MIA2: variants seen among roughly 807,000 people sequenced by gnomAD.
MIA2 encodes melanoma inhibitory activity protein 2.
A neutral mutation model predicts 167.8 loss-of-function variants in MIA2; 127 were observed. The observed-to-expected ratio is 0.76, with a 90% CI of 0.66 to 0.88. MIA2 has a LOEUF of 0.88. Ranked by LOEUF, MIA2 falls within the 40% of genes least tolerant of loss-of-function variation. The pLI is 0.00. For synonymous variants in MIA2, 552 were observed against 541.9 expected (o/e 1.02, Z -0.26); for missense variants, 1,690 against 1,624.7 (o/e 1.04, Z -0.69).
intron 6 of MIA2, among the ~76,000 whole-genome samples, chr14:39,255,936 T>A (rs528799188): frequency 6.6e-6 from 1 of 152,340 alleles, no homozygotes; most frequent in East Asian, 1.9e-4. Flanking sequence ...GGGAAGGAGT[T>A]CCAGTTTGAA....
chr14:39,238,651 C>T (rs1048899343), intron 2 of MIA2, among the ~76,000 whole-genome samples: 5 of 151,236 alleles, frequency 3.3e-5, no homozygotes, highest in African/African-American at 9.7e-5. Context: ...AAAAATTAGC[C>T]GGGTGTAGTA....
chr14:39,245,429 A>T (rs1209112274), intron 3 of MIA2, among the ~76,000 whole-genome samples: 1 of 152,166 alleles, frequency 6.6e-6, no homozygotes, highest in Non-Finnish European at 1.5e-5. Flanking sequence ...TTAAAAGTTT[A>T]TGAATTTTTG....
chr14:39,302,985 T>G (rs1405472637), intron 15 of MIA2, among the ~76,000 whole-genome samples: 4 of 152,074 alleles, frequency 2.6e-5, no homozygotes, highest in Admixed American at 2.6e-4. Flanking sequence ...GATTAAAAAT[T>G]TTTTTCGTGA....
chr14:39,384,035 AT>A (rs1567064519), intron 23 of MIA2, among the ~76,000 whole-genome samples: 1 of 152,198 alleles, frequency 6.6e-6, no homozygotes, highest in Non-Finnish European at 1.5e-5. Context: ...TAAACAGCAG[AT>A]TTTCAGTGTA....
In MIA2 at chr14:39,245,081, C is replaced by CTTTTTTTTTTTTTTT. The variant is rs10683715; in HGVS notation, c.337-1818_337-1817insTTTTTTTTTTTTTTT. 2.1e-4 allele frequency among the ~76,000 whole-genome samples: 25 copies of CTTTTTTTTTTTTTTT among 119,704 alleles called. 2 individuals are homozygous for CTTTTTTTTTTTTTTT. The highest frequency in any genetic ancestry group is 6.9e-4 in the East Asian group (3 of 4,326). The allele number at this position is 119,704 out of a possible 152,430, so 78.5% of individuals were successfully genotyped here. A position where few individuals can be genotyped will look rare whatever the true frequency, so the allele number is the denominator to read the frequency against. On this transcript the variant is annotated intron_variant, in intron 3 of 28. Coordinates refer to ENST00000640607, the MANE Select transcript of MIA2 (RefSeq NM_001329214.4). ...GCATGGGCCGCCGCACCTAGCTAAC[C>CTTTTTTTTTTTTTTT]TTTTTTTTTTTTAAAGACAGGATCT...
chr14:39,263,407 A>C (rs895652047), intron 6 of MIA2, among the ~76,000 whole-genome samples: 20 of 148,998 alleles, frequency 1.3e-4, no homozygotes, highest in African/African-American at 4.9e-4. Flanking sequence ...TTTTTTTCTA[A>C]ATTTTTTGTA....
At chr14:39,239,486 T>C (rs892231363) in intron 2 of MIA2, among the ~76,000 whole-genome samples, 8 of 152,076 alleles carry the variant, frequency 5.3e-5, no homozygotes, top group African/African-American at 1.9e-4. Context: ...GCCTGGAAGT[T>C]AGAGGTTACA....
In MIA2 at chr14:39,247,462, T is replaced by C; in HGVS notation, c.888T>C (p.Ser296=). ...CAAAGACACAGTCTGAACTAGCATC[T>C]GAGTCAGAGCACATTCCCAAACCTC... The part of the protein sequence containing the change: ...SVPKTQSELA[S]ESEHIPKPQS... The change falls in exon 4 of 29, where the codon TCT becomes TCC. Residue 296 remains serine, a synonymous_variant. Transcript: ENST00000640607. The C allele has an allele frequency of 6.2e-7, 1 of 1,613,884 alleles. No homozygotes were observed. The highest frequency in any genetic ancestry group is 1.1e-5 in the South Asian group (1 of 91,038).
chr14:39,301,033 TATAC>T (rs1227885863), intron 14 of MIA2, among the ~76,000 whole-genome samples: 2 of 81,944 alleles, frequency 2.4e-5, no homozygotes, highest in African/African-American at 1.1e-4. Context: ...CATATATACA[TATAC>T]ATACACACAC....
intron 7 of MIA2, among the ~76,000 whole-genome samples, chr14:39,278,177 T>G (rs1189877114): frequency 1.3e-5 from 2 of 152,052 alleles, no homozygotes; most frequent in African/African-American, 4.8e-5. Flanking sequence ...TTTCACTGTG[T>G]TGCTCAGAAC....
At chr14:39,254,371 G>C (rs906077126) in intron 6 of MIA2, among the ~76,000 whole-genome samples, 13 of 152,172 alleles carry the variant, frequency 8.5e-5, no homozygotes, top group Non-Finnish European at 1.5e-4. Context: ...TCTTGTAGAT[G>C]ATGGGGCACT....
chr14:39,324,238 G>A (rs1435881324), intron 24 of MIA2, among the ~76,000 whole-genome samples: 5 of 152,182 alleles, frequency 3.3e-5, no homozygotes, highest in Non-Finnish European at 7.3e-5. Flanking sequence ...GCCTCTGAAT[G>A]TCTCCTTTAA....
chr14:39,350,153 A>AT lies in MIA2; in HGVS notation c.4133dup (p.Pro1381ThrfsTer5), dbSNP rs1567034970. 3.7e-6 allele frequency: 5 copies of AT among 1,344,484 alleles called. No individual in the cohort carries two copies. The highest frequency in any genetic ancestry group is 4.5e-5 in the Admixed American group (2 of 44,464). The allele number at this position is 1,344,484 out of a possible 1,614,324, so 83.3% of individuals were successfully genotyped here. A position where few individuals can be genotyped will look rare whatever the true frequency, so the allele number is the denominator to read the frequency against. ...CTCCTTACCTTCCCCCAAGACCTGG[A>AT]TTTTTCCCCCCACCCCCACATTCTG... On this transcript the variant is annotated frameshift_variant, in exon 29 of 29. Transcript: ENST00000640607. LOFTEE classifies it high-confidence loss of function.
intron 23 of MIA2, among the ~76,000 whole-genome samples, chr14:39,371,321 A>G (rs2074941862): frequency 6.6e-6 from 1 of 152,150 alleles, no homozygotes; most frequent in Admixed American, 6.5e-5. Context: ...GAGAGAGGGT[A>G]GTTAAGAAAA....
At chr14:39,296,517 G>T (rs186693925) in intron 13 of MIA2, among the ~76,000 whole-genome samples, 1 of 151,190 alleles carries the variant, frequency 6.6e-6, no homozygotes, top group African/African-American at 2.4e-5. Context: ...TCTTGACCTC[G>T]TGATCCACCC....
At chr14:39,266,140 T>C (rs895799091) in intron 6 of MIA2, 5 of 985,334 alleles carry the variant, frequency 5.1e-6, no homozygotes, top group African/African-American at 1.7e-5. Context: ...TGTTCATCTA[T>C]TGAGTTCTTT....
chr14:39,291,089 G>A lies in MIA2; in HGVS notation c.2201G>A (p.Ser734Asn), dbSNP rs2060673546. Residue 734 changes from serine (S) to asparagine (N), a missense_variant, in exon 10 of 29, where the codon AGT (serine) becomes AAT (asparagine). Transcript: ENST00000640607. The stretch of plus-strand genomic sequence containing the variant: ...GAGAAGGAGGCAACAGAAGCACAAA[G>A]TTTGGAGGTAGAAAATCAAATGGTA... ...SFEKEATEAQSLEATCEKLNR... is the reference protein window; with the variant it reads ...SFEKEATEAQNLEATCEKLNR... 6.2e-7 allele frequency: 1 copy of A among 1,600,908 alleles called. No individual in the cohort carries two copies. Among genetic ancestry groups the A allele is most frequent in the Non-Finnish European group, 8.5e-7 (1 of 1,175,828 alleles).
In MIA2 at chr14:39,315,557, G is replaced by A. The variant is rs892116017; in HGVS notation, c.3181-126G>A. On this transcript the variant is annotated intron_variant, in intron 20 of 28. Coordinates refer to ENST00000640607, the MANE Select transcript of MIA2 (RefSeq NM_001329214.4). ...ATACATGAAAATTTGCTTTAAAAAT[G>A]TTGCCTACTCTTCAGAGATGCTTGG... The A allele has an allele frequency of 1.2e-5, 8 of 666,754 alleles. No individual in the cohort carries two copies. The African/African-American group carries it at 1.3e-4, about 11-fold the overall frequency. 41.3% of individuals were successfully genotyped at this position (666,754 alleles called of 1,614,324 possible).
intron 6 of MIA2, among the ~76,000 whole-genome samples, chr14:39,260,351 C>T (rs919189879): frequency 6.6e-6 from 1 of 152,230 alleles, no homozygotes; most frequent in Non-Finnish European, 1.5e-5. Flanking sequence ...TATTTCCCCA[C>T]ATCCTCTCCA....
Sources: gnomAD v4.1 joint callset for allele counts (sites outside exome capture counted in the v4.1 genomes callset) on GRCh38, gnomAD v4.1.1 for gene constraint, MANE v1.5 for transcripts, NCBI Gene and HGNC (gene_info 2026-07-23, HGNC 2026-07-21) for gene names.